APOF: variants seen among roughly 807,000 people sequenced by gnomAD.
APOF encodes apolipoprotein F.
Under a neutral mutation model 2.4 loss-of-function variants are expected in APOF, and 2 were observed. That is an observed-to-expected ratio of 0.83 (90% CI 0.34 to 2.61). The LOEUF is 2.61. Ranked by LOEUF, APOF falls within the 30% of genes most tolerant of loss-of-function variation. The probability of loss-of-function intolerance (pLI) is 0.11; values close to 1 mark genes in which losing one functional copy is unlikely to be tolerated. For missense variants in APOF, 370 were observed against 388.7 expected (o/e 0.95, Z 0.40); for synonymous variants, 149 against 155.6 (o/e 0.96, Z 0.32).
rs776941992 is a variant in APOF at position 56,362,775 on chromosome 12, A to C, written c.-30T>G. The C allele has an allele frequency of 6.2e-7, 1 of 1,613,542 alleles. No individual in the cohort carries two copies. On this transcript the variant is annotated 5_prime_UTR_variant, in exon 1 of 2. Transcript: ENST00000398189. ...AAGTGAGACTGCCTTGGTAGGTTTGATCGCTTCCTGATCCTGTTCTGCCTA... is the reference window on the plus strand; with the variant it reads ...AAGTGAGACTGCCTTGGTAGGTTTGCTCGCTTCCTGATCCTGTTCTGCCTA...
rs997799612 is a variant in APOF at position 56,361,116 on chromosome 12, C to G, written c.*109G>C. The G allele has an allele frequency of 2.6e-5, 34 of 1,328,648 alleles. No individual in the cohort carries two copies. The South Asian group carries it at 3.6e-4, about 14-fold the overall frequency. The allele number at this position is 1,328,648 out of a possible 1,614,324, so 82.3% of individuals were successfully genotyped here. A position where few individuals can be genotyped will look rare whatever the true frequency, so the allele number is the denominator to read the frequency against. ...CAACACCCAAACATTTACGTTCTTACGTTTTACTGTACAGCCTTCCTCCTG... is the reference window on the plus strand; with the variant it reads ...CAACACCCAAACATTTACGTTCTTAGGTTTTACTGTACAGCCTTCCTCCTG... On this transcript the variant is annotated 3_prime_UTR_variant, in exon 2 of 2. Transcript: ENST00000398189.
chr12:56,361,788 C>A lies in APOF; in HGVS notation c.418G>T (p.Val140Leu). Reference protein sequence around the residue: ...LQKGRSTERNVSVEALASALQ... With the variant: ...LQKGRSTERNLSVEALASALQ... ...GCAGAGGCCAGGGCTTCCACTGACA[C>A]GTTCCTCTCTGTGCTTCTGCCTTTC... The change falls in exon 2 of 2, where the codon GTG becomes TTG. Residue 140 changes from valine to leucine, a missense_variant. Physicochemically the swap from Val to Leu is conservative, Grantham distance 32. Coordinates refer to ENST00000398189, the MANE Select transcript of APOF (RefSeq NM_001638.4). 6.2e-7 allele frequency: 1 copy of A among 1,611,736 alleles called. No individual in the cohort carries two copies. Among genetic ancestry groups the A allele is most frequent in the Non-Finnish European group, 8.5e-7 (1 of 1,178,930 alleles).
Position 56,361,233 on chromosome 12 carries a change from C to T in APOF, c.973G>A (p.Glu325Lys). 5 of 1,612,474 alleles carry T rather than the reference C, an allele frequency of 3.1e-6. No individual in the cohort carries two copies. The highest frequency in any genetic ancestry group is 4.2e-6 in the Non-Finnish European group (5 of 1,179,032). ...YDLDPGAGSL[E>K]I The stretch of plus-strand genomic sequence containing the variant: ...GTGGTTACCACATTCTTTTATATCT[C>T]AAGACTCCCAGCCCCAGGATCTAAG... The change falls in exon 2 of 2, where the codon GAG becomes AAG. Residue 325 changes from glutamate (E) to lysine (K), a missense_variant. Physicochemically the swap from Glu to Lys is moderately conservative, Grantham distance 56. Coordinates refer to ENST00000398189, the MANE Select transcript of APOF (RefSeq NM_001638.4).
Position 56,361,010 on chromosome 12 carries a change from G to T in APOF, c.*215C>A, listed in dbSNP as rs1249659298. The stretch of plus-strand genomic sequence containing the variant: ...TTTAGAAACTTCAAAACTGATCTTA[G>T]TTCAAGAAAGAAGTTACTATTCAGT... On this transcript the variant is annotated 3_prime_UTR_variant, in exon 2 of 2. Transcript: ENST00000398189. 3.5e-6 allele frequency: 2 copies of T among 576,792 alleles called. No individual in the cohort carries two copies. The highest frequency in any genetic ancestry group is 6.1e-6 in the Non-Finnish European group (2 of 330,286). 35.7% of individuals were successfully genotyped at this position (576,792 alleles called of 1,614,324 possible). A position where few individuals can be genotyped will look rare whatever the true frequency, so the allele number is the denominator to read the frequency against.
At chr12:56,362,367 C>T (rs542993303) in intron 1 of APOF, among the ~76,000 whole-genome samples, 178 bp from the exon 2 acceptor site, 2 of 152,294 alleles carry the variant, frequency 1.3e-5, no homozygotes, top group Admixed American at 6.5e-5. Flanking sequence ...GATCACAAAT[C>T]ACTGCTGCCT....
At position 56,360,847 on chromosome 12, in the gene APOF, A is replaced by C; in HGVS notation, c.*378T>G. 1 of 212,690 alleles carries C rather than the reference A, an allele frequency of 4.7e-6. No individual in the cohort carries two copies. Among genetic ancestry groups the C allele is most frequent in the South Asian group, 6.8e-5 (1 of 14,714 alleles). 13.2% of individuals were successfully genotyped at this position (212,690 alleles called of 1,614,324 possible). On this transcript the variant is annotated 3_prime_UTR_variant, in exon 2 of 2. Coordinates refer to ENST00000398189, the MANE Select transcript of APOF (RefSeq NM_001638.4). ...TGATCATCCCGCCTCAGCCTCTCAC[A>C]GTGCTGGGATTACAGGCGTGAGCCA...
rs11575219 is a variant in APOF, at chr12:56,361,075, C to A, written c.*150G>T. On this transcript the variant is annotated 3_prime_UTR_variant, in exon 2 of 2. Coordinates refer to ENST00000398189, the MANE Select transcript of APOF (RefSeq NM_001638.4). ...TAACAAGTGGAGCCTAGATTCGAAA[C>A]CAAACCCTGTGACTTCAACACCCAA... The A allele has an allele frequency of 1.0e-6, 1 of 955,342 alleles. No individual in the cohort carries two copies. Among genetic ancestry groups the A allele is most frequent in the Non-Finnish European group, 1.5e-6 (1 of 662,830 alleles). The allele number at this position is 955,342 out of a possible 1,614,324, so 59.2% of individuals were successfully genotyped here.
At position 56,361,477 on chromosome 12, in the gene APOF, A is replaced by G; in HGVS notation, c.729T>C (p.Ala243=). 1 of 1,614,084 alleles carries G rather than the reference A, an allele frequency of 6.2e-7. No homozygotes were observed. The highest frequency in any genetic ancestry group is 2.2e-5 in the East Asian group (1 of 44,890). Residue 243 remains alanine (A), a synonymous_variant, in exon 2 of 2, where the codon GCT becomes GCC. Coordinates refer to ENST00000398189, the MANE Select transcript of APOF (RefSeq NM_001638.4). ...SGGPMGLAIS[A]ALKPALRSGV... is the part of the protein sequence containing the mutation. ...CAGACCTTAATGCAGGTTTAAGTGC[A>G]GCACTGATCGCTAGACCCATAGGCC...
chr12:56,361,919 T>A lies in APOF; in HGVS notation c.287A>T (p.Glu96Val). The A allele has an allele frequency of 6.2e-7, 1 of 1,613,972 alleles. No homozygotes were observed. Among genetic ancestry groups the A allele is most frequent in the Non-Finnish European group, 8.5e-7 (1 of 1,179,876 alleles). ...LVSLALRNAL[E>V]EAGCQADVWA... Reference sequence around the variant, plus strand: ...AACATCAGCCTGACAACCAGCTTCCTCCAGGGCATTCCTTAGAGCCAGGCT... The same window carrying A: ...AACATCAGCCTGACAACCAGCTTCCACCAGGGCATTCCTTAGAGCCAGGCT... The change falls in exon 2 of 2, where the codon GAG becomes GTG. Residue 96 changes from glutamate (E) to valine (V), a missense_variant. Glu to Val is a moderately radical substitution (Grantham distance 121). Transcript: ENST00000398189.
chr12:56,361,850 G>A lies in APOF; in HGVS notation c.356C>T (p.Ala119Val). ...AAGATGCTGGATGAGGACCTGTGTA[G>A]CATTCACACCACCCTGGCGGTAGAG... ...LQLYRQGGVNATQVLIQHLRG... is the reference protein window; with the variant it reads ...LQLYRQGGVNVTQVLIQHLRG... The change falls in exon 2 of 2, where the codon GCT (alanine) becomes GTT (valine). Residue 119 changes from alanine to valine, a missense_variant. Coordinates refer to ENST00000398189, the MANE Select transcript of APOF (RefSeq NM_001638.4). 6.2e-7 allele frequency: 1 copy of A among 1,613,602 alleles called. No homozygotes were observed.
Position 56,361,326 on chromosome 12 carries a change from C to T in APOF, c.880G>A (p.Ala294Thr), listed in dbSNP as rs775810091. ...CTTACTACTTCTGATATGAAAGAAG[C>T]CAGAGTAGTTGTTTCTTCCAAGTCA... ...VSDLEETTTL[A>T]SFISEVVSSA... Residue 294 changes from alanine (A) to threonine (T), a missense_variant, in exon 2 of 2, where the codon GCT becomes ACT. Physicochemically the swap from Ala to Thr is moderately conservative, Grantham distance 58. Transcript: ENST00000398189. The T allele has an allele frequency of 1.2e-6, 2 of 1,613,918 alleles. No homozygotes were observed. The highest frequency in any genetic ancestry group is 1.1e-5 in the South Asian group (1 of 91,082).
chr12:56,361,862 C>T lies in APOF; in HGVS notation c.344G>A (p.Gly115Asp). ...WALQLQLYRQ[G>D]GVNATQVLIQ... ...GAGGACCTGTGTAGCATTCACACCA[C>T]CCTGGCGGTAGAGCTGTAGCTGTAG... The change falls in exon 2 of 2, where the codon GGT becomes GAT. Residue 115 changes from glycine to aspartate, a missense_variant. Gly to Asp is a moderately conservative substitution (Grantham distance 94). Transcript: ENST00000398189. 1 of 1,613,770 alleles carries T rather than the reference C, an allele frequency of 6.2e-7. No homozygotes were observed. Among genetic ancestry groups the T allele is most frequent in the Non-Finnish European group, 8.5e-7 (1 of 1,179,796 alleles).
At position 56,360,991 on chromosome 12, in the gene APOF, A is replaced by G; in HGVS notation, c.*234T>C. The G allele has an allele frequency of 1.8e-6, 1 of 551,910 alleles. No individual in the cohort carries two copies. The highest frequency in any genetic ancestry group is 3.2e-6 in the Non-Finnish European group (1 of 313,620). The allele number at this position is 551,910 out of a possible 1,614,324, so 34.2% of individuals were successfully genotyped here. A position where few individuals can be genotyped will look rare whatever the true frequency, so the allele number is the denominator to read the frequency against. On this transcript the variant is annotated 3_prime_UTR_variant, in exon 2 of 2. Transcript: ENST00000398189. ...TTAAAATCATTCTATCTCCTTTAGA[A>G]ACTTCAAAACTGATCTTAGTTCAAG...
chr12:56,361,085 T>G lies in APOF; in HGVS notation c.*140A>C, dbSNP rs1880293619. 1 of 1,041,484 alleles carries G rather than the reference T, an allele frequency of 9.6e-7. No homozygotes were observed. Among genetic ancestry groups the G allele is most frequent in the Non-Finnish European group, 1.4e-6 (1 of 739,660 alleles). The allele number at this position is 1,041,484 out of a possible 1,614,324, so 64.5% of individuals were successfully genotyped here. A position where few individuals can be genotyped will look rare whatever the true frequency, so the allele number is the denominator to read the frequency against. On this transcript the variant is annotated 3_prime_UTR_variant, in exon 2 of 2. Transcript: ENST00000398189. Reference sequence around the variant, plus strand: ...AGCCTAGATTCGAAACCAAACCCTGTGACTTCAACACCCAAACATTTACGT... The same window carrying G: ...AGCCTAGATTCGAAACCAAACCCTGGGACTTCAACACCCAAACATTTACGT...
rs1384900800 is a variant in APOF, at chr12:56,361,742, T to C, written c.464A>G (p.Glu155Gly). Residue 155 changes from glutamate (E) to glycine (G), a missense_variant, in exon 2 of 2, where the codon GAG (glutamate) becomes GGG (glycine). By Grantham distance (98) the Glu-to-Gly change is moderately conservative (BLOSUM62 -2). Transcript: ENST00000398189. ...LASALQLLAR[E>G]QQSTGRVGRS... ...CCCGACCCTTCCTGTGCTTTGCTGC[T>C]CCCTGGCTAACAGCTGCAGAGCAGA... is the stretch of plus-strand genomic sequence containing the variant. 4 of 1,609,440 alleles carry C rather than the reference T, an allele frequency of 2.5e-6. No homozygotes were observed. The East Asian group carries it at 6.7e-5, about 27-fold the overall frequency.
In APOF at chr12:56,362,851, G is replaced by A. The variant is rs1040858548; in HGVS notation, c.-106C>T. On this transcript the variant is annotated 5_prime_UTR_variant, in exon 1 of 2. Transcript: ENST00000398189. ...ATATTTGCTTTCCCCTATGATCAGT[G>A]AAGGATGTAATCTCTGCAAATATTT... is the stretch of plus-strand genomic sequence containing the variant. 1.5e-5 allele frequency: 20 copies of A among 1,347,430 alleles called. No individual in the cohort carries two copies. The highest frequency in any genetic ancestry group is 2.9e-5 in the African/African-American group (2 of 69,508). The allele number at this position is 1,347,430 out of a possible 1,614,324, so 83.5% of individuals were successfully genotyped here. A position where few individuals can be genotyped will look rare whatever the true frequency, so the allele number is the denominator to read the frequency against.
Position 56,360,855 on chromosome 12 carries a change from G to T in APOF, c.*370C>A. 4.0e-6 allele frequency: 1 copy of T among 247,194 alleles called. No individual in the cohort carries two copies. Among genetic ancestry groups the T allele is most frequent in the Non-Finnish European group, 8.0e-6 (1 of 125,124 alleles). The allele number at this position is 247,194 out of a possible 1,614,324, so 15.3% of individuals were successfully genotyped here. On this transcript the variant is annotated 3_prime_UTR_variant, in exon 2 of 2. Transcript: ENST00000398189. ...CCGCCTCAGCCTCTCACAGTGCTGG[G>T]ATTACAGGCGTGAGCCACCGCACCT...
Position 56,361,983 on chromosome 12 carries a change from C to T in APOF, c.223G>A (p.Gly75Ser), listed in dbSNP as rs905137367. ...CQFLHPKSLP[G>S]FSHMAPLPKF... ...GGTAGAGGGGCCATGTGGCTGAAACCAGGCAGTGACTTTGGGTGCAGAAAT... is the reference window on the plus strand; with the variant it reads ...GGTAGAGGGGCCATGTGGCTGAAACTAGGCAGTGACTTTGGGTGCAGAAAT... The change falls in exon 2 of 2, where the codon GGT becomes AGT. Residue 75 changes from glycine to serine, a missense_variant. By Grantham distance (56) the Gly-to-Ser change is moderately conservative. Coordinates refer to ENST00000398189, the MANE Select transcript of APOF (RefSeq NM_001638.4). 2 of 1,613,978 alleles carry T rather than the reference C, an allele frequency of 1.2e-6. No individual in the cohort carries two copies. The highest frequency in any genetic ancestry group is 1.1e-5 in the South Asian group (1 of 91,082).
rs772957353 is a variant in APOF at position 56,361,887 on chromosome 12, G to C, written c.319C>G (p.Leu107Val). 3 of 1,613,756 alleles carry C rather than the reference G, an allele frequency of 1.9e-6. No homozygotes were observed. The highest frequency in any genetic ancestry group is 1.1e-5 in the South Asian group (1 of 91,076). ...EAGCQADVWA[L>V]QLQLYRQGGV... is the part of the protein sequence containing the mutation. ...CCCTGGCGGTAGAGCTGTAGCTGTA[G>C]AGCCCAAACATCAGCCTGACAACCA... is the stretch of plus-strand genomic sequence containing the variant. The change falls in exon 2 of 2, where the codon CTA (leucine) becomes GTA (valine). Residue 107 changes from leucine to valine, a missense_variant. Leu to Val is a conservative substitution (Grantham distance 32). Coordinates refer to ENST00000398189, the MANE Select transcript of APOF (RefSeq NM_001638.4).
Sources: allele counts gnomAD v4.1 joint callset (sites outside exome capture counted in the v4.1 genomes callset), GRCh38; gene constraint gnomAD v4.1.1; transcripts MANE v1.5; gene names NCBI Gene and HGNC (gene_info 2026-07-23, HGNC 2026-07-21).